The following FGFR1 variants were observed in gnomAD, a reference collection of about 807,000 sequenced individuals.
The protein encoded by FGFR1 is FGFR1/PLAG1 fusion.
Under a neutral mutation model 93.7 loss-of-function variants are expected in FGFR1, and 18 were observed. The observed-to-expected ratio is 0.19, with a 90% CI of 0.13 to 0.28. The LOEUF is 0.28. Ranked by LOEUF, FGFR1 falls within the 10% of genes least tolerant of loss-of-function variation. FGFR1 has a pLI of 1.00. For missense variants in FGFR1, 731 were observed against 1,080.4 expected (o/e 0.68, Z 4.53); for synonymous variants, 448 against 429.3 (o/e 1.04, Z -0.54).
At chr8:38,454,830 C>T (rs762534188) in intron 2 of FGFR1, among the ~76,000 whole-genome samples, 47 of 152,136 alleles carry the variant, frequency 3.1e-4, no homozygotes, top group Non-Finnish European at 6.2e-4. Flanking sequence ...AGGATGCAAA[C>T]ACAGGTGCAC....
At chr8:38,446,282 C>T (rs1829256435) in intron 2 of FGFR1, among the ~76,000 whole-genome samples, 1 of 150,706 alleles carries the variant, frequency 6.6e-6, no homozygotes, top group African/African-American at 2.4e-5. Flanking sequence ...ACAATCTCGG[C>T]TCATTGCAAC....
Position 38,415,966 on chromosome 8 carries a change from G to T in FGFR1, c.1758C>A (p.Asn586Lys). 1 of 1,614,114 alleles carries T rather than the reference G, an allele frequency of 6.2e-7. No homozygotes were observed. The highest frequency in any genetic ancestry group is 8.5e-7 in the Non-Finnish European group (1 of 1,180,020). ...RRPPGLEYCY[N>K]PSHNPEEQLS... is the part of the protein sequence containing the mutation. ...GCTGCTCCTCTGGGTTGTGGCTGGG[G>T]TTGTAGCAGTATTCCAGCCCTGGGG... The change falls in exon 13 of 18, where the codon AAC becomes AAA. Residue 586 changes from asparagine to lysine, a missense_variant. Physicochemically the swap from Asn to Lys is moderately conservative, Grantham distance 94. Around this residue, in one of 10 missense-constraint regions of FGFR1, gnomAD observed 39 missense variants for 39.2 expected, o/e 1.00. Transcript: ENST00000447712.
At chr8:38,458,527 T>C (rs191103205) in intron 1 of FGFR1, among the ~76,000 whole-genome samples, 3 of 151,766 alleles carry the variant, frequency 2.0e-5, no homozygotes, top group Admixed American at 2.0e-4. Flanking sequence ...GGTGACAGAG[T>C]GAGACTCTGT....
At chr8:38,448,309 T>G (rs1830009974) in intron 2 of FGFR1, among the ~76,000 whole-genome samples, 1 of 150,990 alleles carries the variant, frequency 6.6e-6, no homozygotes, top group Admixed American at 6.6e-5. Flanking sequence ...AGACGGAGTT[T>G]CGCTCTTTTG....
chr8:38,450,474 C>G (rs1011265705), intron 2 of FGFR1, among the ~76,000 whole-genome samples: 1 of 152,140 alleles, frequency 6.6e-6, no homozygotes, highest in Non-Finnish European at 1.5e-5. Flanking sequence ...CTCGCCCTCC[C>G]GGATAATGAC....
In FGFR1 at chr8:38,424,156, T is replaced by C; in HGVS notation, c.936+353A>G. ...GTAACTCAGGACACAGGGCTAAGAC[T>C]GGGAAACGCTTGGTGGAAAGGCTCT... On this transcript the variant is annotated intron_variant, in intron 7 of 17. Transcript: ENST00000447712. The surrounding 1 kb of genome is among the most constrained non-coding windows in gnomAD (Gnocchi z 4.3). 2.3e-6 allele frequency: 1 copy of C among 431,972 alleles called. No homozygotes were observed. The highest frequency in any genetic ancestry group is 4.5e-6 in the Non-Finnish European group (1 of 224,650). 26.8% of individuals were successfully genotyped at this position (431,972 alleles called of 1,614,324 possible).
chr8:38,440,296 G>A, intron 2 of FGFR1: 1 of 1,603,366 alleles, frequency 6.2e-7, no homozygotes, highest in Non-Finnish European at 8.5e-7. Flanking sequence ...AAATGGAACT[G>A]AAAACTTACC....
In FGFR1 at chr8:38,421,781, A is replaced by G. The variant is rs1414301323; in HGVS notation, c.1081+16T>C. 4 of 1,613,922 alleles carry G rather than the reference A, an allele frequency of 2.5e-6. No individual in the cohort carries two copies. The Admixed American group carries it at 5.0e-5, about 20-fold the overall frequency. Reference sequence around the variant, plus strand: ...GGCGAGGGCAGGACATCGAGAGGAGAAGTTACAGTGTGTACCTTCCAGAAC... The same window carrying G: ...GGCGAGGGCAGGACATCGAGAGGAGGAGTTACAGTGTGTACCTTCCAGAAC... On this transcript the variant is annotated intron_variant, in intron 8 of 17. Coordinates refer to ENST00000447712, the MANE Select transcript of FGFR1 (RefSeq NM_023110.3).
At chr8:38,435,370 G>A (rs1305666720) in intron 2 of FGFR1, 2 of 152,298 alleles carry the variant, frequency 1.3e-5, no homozygotes, top group East Asian at 1.9e-4. Flanking sequence ...CTAACCTCGG[G>A]TTCTAGCGGC....
chr8:38,442,516 T>C (rs1827869821), intron 2 of FGFR1, among the ~76,000 whole-genome samples: 1 of 151,840 alleles, frequency 6.6e-6, no homozygotes, highest in Non-Finnish European at 1.5e-5. Context: ...GGTTCTGTAA[T>C]GGAAAGATCA....
At chr8:38,428,287 C>T in intron 4 of FGFR1, 59 bp downstream of exon 4, 3 of 1,563,192 alleles carry the variant, frequency 1.9e-6, no homozygotes, top group Non-Finnish European at 1.8e-6. Flanking sequence ...GCCTTCCCCT[C>T]CCCTCTTAAA....
chr8:38,425,964 G>A, intron 6 of FGFR1, 158 bp downstream of exon 6: 1 of 898,332 alleles, frequency 1.1e-6, no homozygotes, highest in Non-Finnish European at 1.8e-6. Flanking sequence ...GAAAAGTGAG[G>A]CTCAAAAGGG....
intron 2 of FGFR1, among the ~76,000 whole-genome samples, chr8:38,452,803 C>T (rs1221520048): frequency 6.6e-6 from 1 of 152,058 alleles, no homozygotes; most frequent in Non-Finnish European, 1.5e-5. Context: ...GGTGAAACCC[C>T]GTCTCTACTA....
chr8:38,412,826 G>A lies in FGFR1; in HGVS notation c.*802C>T, dbSNP rs938792635. On this transcript the variant is annotated 3_prime_UTR_variant, in exon 18 of 18. Coordinates refer to ENST00000447712, the MANE Select transcript of FGFR1 (RefSeq NM_023110.3). ...ACAGCAAAAGTAGCAAAAAATATAT[G>A]ACCTTTTTAAAAACATTTTCCTTTT... The A allele has an allele frequency of 4.3e-5, 10 of 233,388 alleles. No homozygotes were observed. Among genetic ancestry groups the A allele is most frequent in the Middle Eastern group, 1.2e-3 (1 of 808 alleles). 14.5% of individuals were successfully genotyped at this position (233,388 alleles called of 1,614,324 possible). A position where few individuals can be genotyped will look rare whatever the true frequency, so the allele number is the denominator to read the frequency against.
intron 1 of FGFR1, among the ~76,000 whole-genome samples, chr8:38,458,192 G>GT (rs1367387533): frequency 9.9e-5 from 15 of 152,218 alleles, no homozygotes; most frequent in African/African-American, 3.6e-4. Context: ...GTTTTACAAA[G>GT]TGTGCTACAA....
intron 9 of FGFR1, chr8:38,418,593 A>C: frequency 1.7e-6 from 1 of 592,274 alleles, no homozygotes; most frequent in Non-Finnish European, 3.0e-6. Context: ...GACTTCACTC[A>C]CCTTTAAAAT....
chr8:38,452,932 A>G (rs754488637), intron 2 of FGFR1, among the ~76,000 whole-genome samples: 2 of 152,192 alleles, frequency 1.3e-5, no homozygotes, highest in Non-Finnish European at 2.9e-5. Flanking sequence ...AGCCAAGATC[A>G]CGCCACTGCA....
At chr8:38,439,263 C>T (rs540014532) in intron 2 of FGFR1, among the ~76,000 whole-genome samples, 2 of 152,250 alleles carry the variant, frequency 1.3e-5, no homozygotes, top group East Asian at 1.9e-4. Flanking sequence ...CCAGCACTGT[C>T]GCAGCACATG....
At chr8:38,419,119 CTCTT>C (rs1213368657) in intron 9 of FGFR1, among the ~76,000 whole-genome samples, 1 of 152,196 alleles carries the variant, frequency 6.6e-6, no homozygotes. Context: ...TCCATTAAAC[CTCTT>C]TCTTTTGTAA....
Sources: gnomAD v4.1 joint callset for allele counts (sites outside exome capture counted in the v4.1 genomes callset) on GRCh38, gnomAD v4.1.1 for gene constraint, gnomAD v4.1.1 regional missense constraint, Gnocchi (gnomAD v3.1) non-coding constraint, MANE v1.5 for transcripts, NCBI Gene and HGNC (gene_info 2026-07-23, HGNC 2026-07-21) for gene names.